COPB1: variants seen among roughly 807,000 people sequenced by gnomAD.
COPB1 encodes coat protein complex I subunit beta 1.
Under a neutral mutation model 108.7 loss-of-function variants are expected in COPB1, and 21 were observed. The observed-to-expected ratio is 0.19, with a 90% confidence interval of 0.14 to 0.28. The LOEUF (loss-of-function observed/expected upper bound fraction) is 0.28. Ranked by LOEUF, COPB1 falls within the 10% of genes least tolerant of loss-of-function variation. COPB1 has a pLI of 1.00. For missense variants in COPB1, 919 were observed against 1,141.3 expected, an observed-to-expected ratio of 0.81 and a Z score of 2.81; for synonymous variants, 378 against 386.8, an observed-to-expected ratio of 0.98 and a Z score of 0.27.
intron 11 of COPB1, among the ~76,000 whole-genome samples, chr11:14,479,277 T>C (rs1358769717): frequency 1.3e-5 from 2 of 152,338 alleles, no homozygotes; most frequent in African/African-American, 2.4e-5. Context: ...ATAATAGTAA[T>C]AGCCAAAAAG....
At chr11:14,482,920 T>C in intron 8 of COPB1, 112 bp downstream of exon 8, 1 of 958,254 alleles carries the variant, frequency 1.0e-6, no homozygotes, top group Non-Finnish European at 1.5e-6. Flanking sequence ...GATCAAAATA[T>C]AAACTGCTCA....
chr11:14,488,734 A>C lies in COPB1; in HGVS notation c.607-150T>G, dbSNP rs1589966588. Reference sequence around the variant, plus strand: ...ATTAACTGGGAAAAAAATCAAGAATAAAATTAACATATAAAATATAAGACA... The same window carrying C: ...ATTAACTGGGAAAAAAATCAAGAATCAAATTAACATATAAAATATAAGACA... On this transcript the variant is annotated intron_variant, in intron 5 of 21. Transcript: ENST00000439561. The C allele has an allele frequency of 6.9e-6, 3 of 431,874 alleles. No homozygotes were observed. The East Asian group carries it at 1.0e-4, about 15-fold the overall frequency. The allele number at this position is 431,874 out of a possible 1,614,324, so 26.8% of individuals were successfully genotyped here.
Position 14,498,976 on chromosome 11 carries a change from G to T in COPB1, c.-48C>A. The T allele has an allele frequency of 6.9e-7, 1 of 1,441,434 alleles. No homozygotes were observed. The highest frequency in any genetic ancestry group is 9.5e-7 in the Non-Finnish European group (1 of 1,054,838). 89.3% of individuals were successfully genotyped at this position (1,441,434 alleles called of 1,614,324 possible). On this transcript the variant is annotated 5_prime_UTR_variant, in exon 2 of 22. Coordinates refer to ENST00000439561, the MANE Select transcript of COPB1 (RefSeq NM_001144061.2). Reference sequence around the variant, plus strand: ...AATCCTTGACACAAGATTTAAGGATGCCAGAAAATCTAGAAAAATAAACAC... The same window carrying T: ...AATCCTTGACACAAGATTTAAGGATTCCAGAAAATCTAGAAAAATAAACAC...
chr11:14,478,225 C>T (rs189633855), intron 11 of COPB1, among the ~76,000 whole-genome samples: 6 of 151,858 alleles, frequency 4.0e-5, no homozygotes, highest in Non-Finnish European at 1.5e-5. Context: ...AGTAAAGTGT[C>T]CATTTAGGAC....
chr11:14,470,226 T>C (rs1468150428), intron 14 of COPB1, among the ~76,000 whole-genome samples: 1 of 152,252 alleles, frequency 6.6e-6, no homozygotes, highest in East Asian at 1.9e-4. Flanking sequence ...TTAATCGCAC[T>C]AACTTTTTTA....
At chr11:14,496,587 T>G (rs574274096) in intron 2 of COPB1, among the ~76,000 whole-genome samples, 1 of 152,048 alleles carries the variant, frequency 6.6e-6, no homozygotes, top group East Asian at 1.9e-4. Flanking sequence ...TCCATGATCA[T>G]GGATTAGAAG....
At chr11:14,482,167 T>C (rs1850674755) in intron 8 of COPB1, among the ~76,000 whole-genome samples, 1 of 152,182 alleles carries the variant, frequency 6.6e-6, no homozygotes, top group Admixed American at 6.5e-5. Flanking sequence ...ATAACCACAT[T>C]ATAATTATCA....
intron 8 of COPB1, among the ~76,000 whole-genome samples, chr11:14,481,882 G>T (rs1253733092): frequency 6.6e-6 from 1 of 152,042 alleles, no homozygotes; most frequent in Non-Finnish European, 1.5e-5. Context: ...TCTGCCTCCT[G>T]GGTTCAAGCA....
chr11:14,481,007 A>G lies in COPB1; in HGVS notation c.1048T>C (p.Ser350Pro). 1 of 1,613,986 alleles carries G rather than the reference A, an allele frequency of 6.2e-7. No homozygotes were observed. The highest frequency in any genetic ancestry group is 8.5e-7 in the Non-Finnish European group (1 of 1,179,922). Residue 350 changes from serine (S) to proline (P), a missense_variant, in exon 9 of 22, where the codon TCT (serine) becomes CCT (proline). Ser to Pro is a moderately conservative substitution (Grantham distance 74). Transcript: ENST00000439561. ...CCTTTTACCTCTTCAACATTTCTAG[A>G]AGAGACAAGATCCAGTGCTAACTGC... ...TLQLALDLVS[S>P]RNVEELVIVL...
intron 11 of COPB1, among the ~76,000 whole-genome samples, chr11:14,479,138 G>C (rs2134112521): frequency 6.6e-6 from 1 of 152,172 alleles, no homozygotes; most frequent in East Asian, 1.9e-4. Flanking sequence ...CTATCCATCA[G>C]ATGCTTTAAA....
At chr11:14,484,470 A>G (rs1233743306) in intron 7 of COPB1, among the ~76,000 whole-genome samples, 1 of 152,234 alleles carries the variant, frequency 6.6e-6, no homozygotes, top group African/African-American at 2.4e-5. Context: ...CTATAATCCC[A>G]GCACTTTGGG....
At chr11:14,472,107 T>C (rs1259112845) in intron 14 of COPB1, among the ~76,000 whole-genome samples, 1 of 152,170 alleles carries the variant, frequency 6.6e-6, no homozygotes, top group African/African-American at 2.4e-5. Context: ...ATTGCTGTGG[T>C]AGGACATTGT....
At chr11:14,461,895 G>A (rs1292054786) in intron 18 of COPB1, among the ~76,000 whole-genome samples, 1 of 152,068 alleles carries the variant, frequency 6.6e-6, no homozygotes, top group African/African-American at 2.4e-5. Context: ...ATATTAAATG[G>A]CATAGTATTT....
chr11:14,460,773 G>A (rs1850127795), intron 19 of COPB1, among the ~76,000 whole-genome samples: 2 of 152,026 alleles, frequency 1.3e-5, no homozygotes, highest in South Asian at 2.1e-4. Context: ...CAAAGTGCTG[G>A]GATTACAGGC....
intron 7 of COPB1, 146 bp from the exon 8 acceptor site, chr11:14,483,297 G>A: frequency 1.2e-5 from 6 of 480,190 alleles, no homozygotes; most frequent in Non-Finnish European, 2.2e-5. Context: ...ATTAATCCCT[G>A]TACTAGAGTT....
Position 14,477,389 on chromosome 11 carries a change from C to CAA in COPB1, c.1359-376_1359-375dup, listed in dbSNP as rs61014253. Among the ~76,000 whole-genome samples the CAA allele has an allele frequency of 6.8e-5, 5 of 73,288 alleles. 1 individual carries two copies. Among genetic ancestry groups the CAA allele is most frequent in the South Asian group, 6.1e-4 (1 of 1,646 alleles). 48.1% of individuals were successfully genotyped at this position (73,288 alleles called of 152,430 possible). A position where few individuals can be genotyped will look rare whatever the true frequency, so the allele number is the denominator to read the frequency against. ...TGGGTGACAGAGCGAGACTCCGTCT[C>CAA]AAAAAAAAAAAAAAAACAAGGGCCA... On this transcript the variant is annotated intron_variant, in intron 11 of 21. Transcript: ENST00000439561.
At position 14,486,389 on chromosome 11, in the gene COPB1, G is replaced by A; in HGVS notation, c.815C>T (p.Ser272Phe). 1 of 1,614,160 alleles carries A rather than the reference G, an allele frequency of 6.2e-7. No individual in the cohort carries two copies. Among genetic ancestry groups the A allele is most frequent in the Non-Finnish European group, 8.5e-7 (1 of 1,180,028 alleles). ...TACCTTGATTGCAGTTGGTGCACTA[G>A]AGAGTGTCACTAATGTCCCAGCAGC... is the stretch of plus-strand genomic sequence containing the variant. ...YEAAGTLVTL[S>F]SAPTAIKAAA... The change falls in exon 7 of 22, where the codon TCT becomes TTT. Residue 272 changes from serine (S) to phenylalanine (F), a missense_variant. Transcript: ENST00000439561.
intron 11 of COPB1, among the ~76,000 whole-genome samples, chr11:14,477,262 T>G (rs1183586076): frequency 2.0e-5 from 3 of 151,546 alleles, no homozygotes; most frequent in African/African-American, 7.3e-5. Context: ...CGGGCGCCTG[T>G]AGTCCCAGCT....
In COPB1 at chr11:14,475,787, G is replaced by C. The variant is rs566936658; in HGVS notation, c.1614C>G (p.Asp538Glu). Residue 538 changes from aspartate to glutamate, a missense_variant and splice_region_variant, in exon 13 of 22, where the codon GAC becomes GAG. This residue lies in a region of COPB1 where 705 missense variants were observed against 817.8 expected (regional missense o/e 0.86). Coordinates refer to ENST00000439561, the MANE Select transcript of COPB1 (RefSeq NM_001144061.2). Reference sequence around the variant, plus strand: ...AGGGTATATGTGCCATAAATTACCTGTCTTCCTCTTTCTTGGTGGGTCTAG... The same window carrying C: ...AGGGTATATGTGCCATAAATTACCTCTCTTCCTCTTTCTTGGTGGGTCTAG... ...SSSRPTKKEE[D>E]RPPLRGFLLD... The C allele has an allele frequency of 1.8e-4, 288 of 1,563,232 alleles. 1 individual carries two copies. In the South Asian group the frequency reaches 3.3e-3, roughly 18 times the overall value.
Sources: allele counts gnomAD v4.1 joint callset (sites outside exome capture counted in the v4.1 genomes callset), GRCh38; gene constraint gnomAD v4.1.1; regional missense constraint gnomAD v4.1.1; transcripts MANE v1.5; gene names NCBI Gene and HGNC (gene_info 2026-07-23, HGNC 2026-07-21).